The following LOXHD1 variants were observed in gnomAD, a reference collection of about 807,000 sequenced individuals.
LOXHD1 encodes the protein lipoxygenase homology domain-containing protein 1.
LOXHD1 carries 205 observed loss-of-function variants against 248.2 expected under a neutral mutation model. The observed-to-expected ratio is 0.83, with a 90% CI of 0.74 to 0.93. The LOEUF is 0.93. Among genes scored for constraint, LOXHD1 ranks in the 40% least tolerant of loss-of-function variants. LOXHD1 has a pLI of 0.00. For synonymous variants in LOXHD1, 1,113 were observed against 1,162.8 expected, an observed-to-expected ratio of 0.96 and a Z score of 0.87; for missense variants, 2,930 against 2,971.6, an observed-to-expected ratio of 0.99 and a Z score of 0.33.
chr18:46,513,071 A>ACAAGAAAATGTTTACCC (rs1451714642), intron 34 of LOXHD1, among the ~76,000 whole-genome samples: 8 of 152,234 alleles, frequency 5.3e-5, no homozygotes, highest in African/African-American at 1.2e-4. Context: ...AAGAAAGGAA[A>ACAAGAAAATGTTTACCC]CAAGAAAATG....
At chr18:46,483,300 T>C (rs1408935955) in intron 40 of LOXHD1, among the ~76,000 whole-genome samples, 1 of 152,156 alleles carries the variant, frequency 6.6e-6, no homozygotes, top group African/African-American at 2.4e-5. Context: ...TGGCACTGTT[T>C]GACTTTCTCA....
intron 4 of LOXHD1, among the ~76,000 whole-genome samples, chr18:46,637,840 G>A (rs1284718411): frequency 1.3e-5 from 2 of 152,150 alleles, no homozygotes; most frequent in Non-Finnish European, 2.9e-5. Context: ...GAGCAATTCA[G>A]AAATGTCCCT....
At chr18:46,629,423 A>C (rs1317065425) in intron 4 of LOXHD1, among the ~76,000 whole-genome samples, 1 of 152,230 alleles carries the variant, frequency 6.6e-6, no homozygotes, top group African/African-American at 2.4e-5. Context: ...CCAATCATGC[A>C]GGGTACTTTC....
At position 46,610,877 on chromosome 18, in the gene LOXHD1, C is replaced by T. The variant is rs1394542147; in HGVS notation, c.658G>A (p.Glu220Lys). The change falls in exon 6 of 41, where the codon GAA becomes AAA. Residue 220 changes from glutamate (E) to lysine (K), a missense_variant. Coordinates refer to ENST00000642948, the MANE Select transcript of LOXHD1 (RefSeq NM_001384474.1). ...NEKDNFEKGAEDRFILDAPDL... is the reference protein window; with the variant it reads ...NEKDNFEKGAKDRFILDAPDL... ...GGGGCATCCAGGATGAACCTGTCTT[C>T]AGCTCCCTTTTCAAAGTTGTCCTTT... is the stretch of plus-strand genomic sequence containing the variant. The T allele has an allele frequency of 6.4e-7, 1 of 1,551,748 alleles. No individual in the cohort carries two copies. Among genetic ancestry groups the T allele is most frequent in the African/African-American group, 1.4e-5 (1 of 73,064 alleles).
chr18:46,590,919 G>T (rs1322812317), intron 12 of LOXHD1, among the ~76,000 whole-genome samples: 1 of 152,080 alleles, frequency 6.6e-6, no homozygotes, highest in African/African-American at 2.4e-5. Flanking sequence ...TAAAATAAAA[G>T]AAACATGATG....
At chr18:46,494,157 A>G (rs764818673) in intron 37 of LOXHD1, among the ~76,000 whole-genome samples, 10 of 152,156 alleles carry the variant, frequency 6.6e-5, no homozygotes, top group Non-Finnish European at 1.0e-4. Flanking sequence ...AATCTCTGCT[A>G]TTCAGGTCAT....
chr18:46,656,823 T>C (rs2039188295), intron 1 of LOXHD1, 81 bp downstream of exon 1: 2 of 1,449,326 alleles, frequency 1.4e-6, no homozygotes, highest in Non-Finnish European at 1.9e-6. Context: ...AATCTTAGAA[T>C]GACTCCCCAT....
At chr18:46,616,459 T>C (rs9304333) in intron 5 of LOXHD1, among the ~76,000 whole-genome samples, 17,697 of 152,192 alleles carry the variant, frequency 0.12, 1,557 homozygotes, top group African/African-American at 0.26. Flanking sequence ...TGATTTTAAT[T>C]GTTGAGGTCC....
At chr18:46,597,759 CTTTT>C (rs551184983) in intron 8 of LOXHD1, among the ~76,000 whole-genome samples, 1 of 141,602 alleles carries the variant, frequency 7.1e-6, no homozygotes. Flanking sequence ...TAGAAAAATT[CTTTT>C]TTTTTTTTTT....
chr18:46,632,995 C>A (rs1281035462), intron 4 of LOXHD1, among the ~76,000 whole-genome samples: 1 of 152,170 alleles, frequency 6.6e-6, no homozygotes, highest in Admixed American at 6.5e-5. Flanking sequence ...CTCCAGGAGC[C>A]TTGAAGTCTT....
At chr18:46,516,687 C>T (rs771593167) in intron 34 of LOXHD1, among the ~76,000 whole-genome samples, 6 of 152,050 alleles carry the variant, frequency 3.9e-5, no homozygotes, top group Admixed American at 6.6e-5. Flanking sequence ...TCATCCCTAC[C>T]ATCATCACCT....
At chr18:46,602,895 T>TTTCTGCTC (rs1454437078) in intron 7 of LOXHD1, among the ~76,000 whole-genome samples, 7 of 152,342 alleles carry the variant, frequency 4.6e-5, no homozygotes, top group African/African-American at 1.7e-4. Context: ...GCTGCTATCA[T>TTTCTGCTC]TTCTGCTCTT....
chr18:46,569,480 C>A lies in LOXHD1; in HGVS notation c.2206G>T (p.Val736Leu). ...NLKDYFERGR[V>L]DEFTLETLNI... ...AGGGTCTCGAGGGTGAACTCATCCACCCGGCCACGTTCAAAGTAGTCTTTG... is the reference window on the plus strand; with the variant it reads ...AGGGTCTCGAGGGTGAACTCATCCAACCGGCCACGTTCAAAGTAGTCTTTG... The change falls in exon 16 of 41, where the codon GTG becomes TTG. Residue 736 changes from valine to leucine, a missense_variant. Val to Leu is a conservative substitution (Grantham distance 32). Transcript: ENST00000642948. The A allele has an allele frequency of 6.4e-7, 1 of 1,552,150 alleles. No homozygotes were observed. Among genetic ancestry groups the A allele is most frequent in the East Asian group, 2.4e-5 (1 of 40,920 alleles).
At chr18:46,610,734 C>A (rs1426560213) in intron 6 of LOXHD1, 42 bp downstream of exon 6, 3 of 1,509,542 alleles carry the variant, frequency 2.0e-6, no homozygotes, top group Non-Finnish European at 2.7e-6. Context: ...GAAGGCCCCC[C>A]TTCCAAGGCC....
At chr18:46,558,480 T>C (rs1169941531) in intron 20 of LOXHD1, among the ~76,000 whole-genome samples, 3 of 152,148 alleles carry the variant, frequency 2.0e-5, no homozygotes, top group African/African-American at 4.8e-5. Flanking sequence ...AATCCAGAAA[T>C]ATGTGGCTAT....
In LOXHD1 at chr18:46,546,946, T is replaced by C. The variant is rs1893566; in HGVS notation, c.3463A>G (p.Arg1155Gly). Residue 1155 changes from arginine (R) to glycine (G), a missense_variant, in exon 22 of 41, where the codon AGG becomes GGG. Coordinates refer to ENST00000642948, the MANE Select transcript of LOXHD1 (RefSeq NM_001384474.1). ...SYVLPQSEEG[R>G]GGGDNNPLDN... ...AGGGGGTTGTTGTCACCGCCTCCCC[T>C]ACCCTCCTCGCTCTGTGGCAGCACA... 1,251,674 of 1,551,372 alleles carry C rather than the reference T, an allele frequency of 0.81. 508,247 individuals carry two copies. The highest frequency in any genetic ancestry group is 0.84 in the Non-Finnish European group (959,346 of 1,146,844).
At chr18:46,613,191 T>C (rs1471954290) in intron 5 of LOXHD1, among the ~76,000 whole-genome samples, 1 of 152,098 alleles carries the variant, frequency 6.6e-6, no homozygotes, top group Non-Finnish European at 1.5e-5. Context: ...CTGGGAAAAT[T>C]TGCCATATTA....
In LOXHD1 at chr18:46,566,253, A is replaced by G. The variant is rs1322530190; in HGVS notation, c.2437+4T>C. On this transcript the variant is annotated splice_donor_region_variant and intron_variant, in intron 17 of 40. Transcript: ENST00000642948. ...GGGTGGTCCCACCACAGCCTCCTCC[A>G]TACATTTCTGGATCTCCACCACCTC... 2 of 1,546,864 alleles carry G rather than the reference A, an allele frequency of 1.3e-6. No individual in the cohort carries two copies. Among genetic ancestry groups the G allele is most frequent in the South Asian group, 1.2e-5 (1 of 83,844 alleles).
chr18:46,509,820 G>A lies in LOXHD1; in HGVS notation c.5400-5C>T. 6.5e-7 allele frequency: 1 copy of A among 1,537,818 alleles called. No homozygotes were observed. The highest frequency in any genetic ancestry group is 2.5e-5 in the East Asian group (1 of 39,832). Reference sequence around the variant, plus strand: ...TCGTTCTGCTCCCGCTCAAACCTGGGGGTGGAGAGGAGGGGCATGAAGAAG... The same window carrying A: ...TCGTTCTGCTCCCGCTCAAACCTGGAGGTGGAGAGGAGGGGCATGAAGAAG... On this transcript the variant is annotated splice_polypyrimidine_tract_variant and splice_region_variant and intron_variant, in intron 34 of 40. Coordinates refer to ENST00000642948, the MANE Select transcript of LOXHD1 (RefSeq NM_001384474.1).
Sources: allele counts gnomAD v4.1 joint callset (sites outside exome capture counted in the v4.1 genomes callset), GRCh38; gene constraint gnomAD v4.1.1; transcripts MANE v1.5; gene names NCBI Gene and HGNC (gene_info 2026-07-23, HGNC 2026-07-21).